Variants in AGBL4 observed in about 807,000 individuals in gnomAD.
AGBL4 encodes the protein cytosolic carboxypeptidase 6.
Under a neutral mutation model 66.4 loss-of-function variants are expected in AGBL4, and 58 were observed. That is an observed-to-expected ratio of 0.87 (90% confidence interval 0.71 to 1.09). The LOEUF is 1.09. Ranked by LOEUF, AGBL4 falls within the 50% of genes least tolerant of loss-of-function variation. The probability of loss-of-function intolerance (pLI) is 0.00; values close to 1 mark genes in which losing one functional copy is unlikely to be tolerated. For missense variants in AGBL4, 579 were observed against 631.0 expected (o/e 0.92, Z 0.88); for synonymous variants, 234 against 222.9 (o/e 1.05, Z -0.44).
chr1:49,741,573 C>T (rs916139915), intron 2 of AGBL4, among the ~76,000 whole-genome samples: 1 of 152,066 alleles, frequency 6.6e-6, no homozygotes, highest in Admixed American at 6.6e-5. Flanking sequence ...ATCCTGATAC[C>T]AAAGCCTGGC....
chr1:49,411,037 A>C (rs1186926762), intron 3 of AGBL4, among the ~76,000 whole-genome samples: 1 of 152,206 alleles, frequency 6.6e-6, no homozygotes. Context: ...CACCATCGCA[A>C]GGTGAAGTCC....
chr1:49,283,301 G>T (rs1374609234), intron 3 of AGBL4, among the ~76,000 whole-genome samples: 2 of 152,152 alleles, frequency 1.3e-5, no homozygotes, highest in Non-Finnish European at 2.9e-5. Context: ...CAGACTCGCA[G>T]CTGAGGGTCC....
chr1:48,748,515 G>A (rs72904843), intron 6 of AGBL4, among the ~76,000 whole-genome samples: 1,984 of 152,308 alleles, frequency 0.013, 47 homozygotes, highest in African/African-American at 0.046. Context: ...AAAGGAGGGG[G>A]TGCTGCCTCT....
intron 1 of AGBL4, among the ~76,000 whole-genome samples, chr1:49,906,246 A>C (rs575121586): frequency 6.6e-6 from 1 of 152,014 alleles, no homozygotes; most frequent in African/African-American, 2.4e-5. Context: ...TATTGCAGTT[A>C]TTGTACTTAA....
At position 49,903,982 on chromosome 1, in the gene AGBL4, G is replaced by A. The variant is rs553052689; in HGVS notation, c.35-52464C>T. ...CTTCCATACATAAAAGGTAGGCATG[G>A]TGGCAGGGAGCAGACAATGGATACA... On this transcript the variant is annotated intron_variant, in intron 1 of 13. Transcript: ENST00000371839. 2.6e-5 allele frequency among the ~76,000 whole-genome samples: 4 copies of A among 152,248 alleles called. No homozygotes were observed. In the South Asian group the frequency reaches 6.2e-4, roughly 24 times the overall value.
chr1:48,748,226 C>G (rs1375459767), intron 6 of AGBL4, among the ~76,000 whole-genome samples: 1 of 152,132 alleles, frequency 6.6e-6, no homozygotes, highest in African/African-American at 2.4e-5. Context: ...TAGGAGGATC[C>G]CCCTCTGTGG....
At chr1:48,690,088 C>T (rs1646605332) in intron 6 of AGBL4, among the ~76,000 whole-genome samples, 1 of 152,246 alleles carries the variant, frequency 6.6e-6, no homozygotes, top group African/African-American at 2.4e-5. Flanking sequence ...CAAGTCTGTT[C>T]CTGCGCCATG....
At chr1:49,470,922 CT>C (rs1646730045) in intron 3 of AGBL4, among the ~76,000 whole-genome samples, 1 of 152,068 alleles carries the variant, frequency 6.6e-6, no homozygotes, top group Admixed American at 6.6e-5. Flanking sequence ...CCGGCTCACT[CT>C]TAAATTCCTT....
chr1:48,852,947 A>G (rs914425011), intron 6 of AGBL4, among the ~76,000 whole-genome samples: 1 of 152,178 alleles, frequency 6.6e-6, no homozygotes, highest in Non-Finnish European at 1.5e-5. Context: ...CCCTGAATGA[A>G]TCTAACTTCC....
At chr1:48,828,299 G>C (rs1331190382) in intron 6 of AGBL4, among the ~76,000 whole-genome samples, 2 of 152,090 alleles carry the variant, frequency 1.3e-5, no homozygotes, top group Non-Finnish European at 2.9e-5. Flanking sequence ...CCACCATAGA[G>C]GTGTCTCTGG....
At chr1:48,884,679 C>T (rs1650134200) in intron 5 of AGBL4, among the ~76,000 whole-genome samples, 1 of 152,124 alleles carries the variant, frequency 6.6e-6, no homozygotes, top group Admixed American at 6.5e-5. Flanking sequence ...TTTTCTTCAT[C>T]TGCATATTAT....
intron 4 of AGBL4, among the ~76,000 whole-genome samples, chr1:49,129,674 T>A (rs1440396774): frequency 6.6e-6 from 1 of 152,158 alleles, no homozygotes; most frequent in Non-Finnish European, 1.5e-5. Flanking sequence ...TAGTATTCCA[T>A]GGTGTATATG....
At chr1:48,961,460 G>C (rs1657969913) in intron 5 of AGBL4, among the ~76,000 whole-genome samples, 1 of 152,214 alleles carries the variant, frequency 6.6e-6, no homozygotes, top group Non-Finnish European at 1.5e-5. Context: ...AATGCAGAAA[G>C]ACCGTTACAC....
chr1:48,622,529 G>T (rs1364206075), intron 9 of AGBL4, among the ~76,000 whole-genome samples: 2 of 134,974 alleles, frequency 1.5e-5, no homozygotes, highest in African/African-American at 2.7e-5. Context: ...TGTCACCCAG[G>T]CTGGAGTGCA....
At chr1:49,625,372 G>A (rs1354680965) in intron 3 of AGBL4, among the ~76,000 whole-genome samples, 1 of 152,032 alleles carries the variant, frequency 6.6e-6, no homozygotes, top group Non-Finnish European at 1.5e-5. Flanking sequence ...TCCATTTTCT[G>A]TTGAGTCCAA....
chr1:49,738,668 C>T (rs1470878377), intron 2 of AGBL4, among the ~76,000 whole-genome samples: 2 of 152,230 alleles, frequency 1.3e-5, no homozygotes, highest in East Asian at 1.9e-4. Flanking sequence ...TAGGGGCAGA[C>T]TGACACCTCA....
chr1:49,388,949 C>T (rs1382926764), intron 3 of AGBL4, among the ~76,000 whole-genome samples: 2 of 151,960 alleles, frequency 1.3e-5, no homozygotes, highest in African/African-American at 2.4e-5. Context: ...CAGAGGTTTT[C>T]GAAAGGCAAT....
At chr1:48,899,232 T>G (rs891248504) in intron 5 of AGBL4, among the ~76,000 whole-genome samples, 1 of 152,206 alleles carries the variant, frequency 6.6e-6, no homozygotes, top group African/African-American at 2.4e-5. Context: ...GCGCCACACC[T>G]GTGCGGGCGA....
chr1:49,083,792 C>T (rs1442587090), intron 4 of AGBL4, among the ~76,000 whole-genome samples: 2 of 152,166 alleles, frequency 1.3e-5, no homozygotes, highest in African/African-American at 4.8e-5. Context: ...GCTGAGCTTT[C>T]CTTTTAAACA....
Sources: allele counts gnomAD v4.1 joint callset (sites outside exome capture counted in the v4.1 genomes callset), GRCh38; gene constraint gnomAD v4.1.1; transcripts MANE v1.5; gene names NCBI Gene and HGNC (gene_info 2026-07-23, HGNC 2026-07-21).